The following NBEAL1 variants were observed in gnomAD, a reference collection of about 807,000 sequenced individuals.
NBEAL1 encodes neurobeachin-like protein 1.
NBEAL1 carries 273 observed loss-of-function variants against 351.3 expected under a neutral mutation model. The observed-to-expected ratio is 0.78, with a 90% CI of 0.70 to 0.86. The LOEUF is 0.86. Ranked by LOEUF, NBEAL1 falls within the 40% of genes least tolerant of loss-of-function variation. NBEAL1 has a pLI of 0.00. For synonymous variants in NBEAL1, 1,050 were observed against 1,086.4 expected (o/e 0.97, Z 0.66); for missense variants, 2,961 against 3,201.3 (o/e 0.92, Z 1.81).
At chr2:203,179,966 G>C (rs1314972727) in intron 42 of NBEAL1, among the ~76,000 whole-genome samples, 1 of 151,990 alleles carries the variant, frequency 6.6e-6, no homozygotes, top group Non-Finnish European at 1.5e-5. Context: ...TAGCAACGAG[G>C]TTTCACCATG....
intron 12 of NBEAL1, among the ~76,000 whole-genome samples, chr2:203,100,739 G>A (rs2062299542): frequency 1.3e-5 from 2 of 151,740 alleles, no homozygotes; most frequent in African/African-American, 2.4e-5. Context: ...GTAGAGATGG[G>A]GTTTCACCAC....
At chr2:203,154,275 A>G (rs562304761) in intron 35 of NBEAL1, among the ~76,000 whole-genome samples, 94 of 152,130 alleles carry the variant, frequency 6.2e-4, no homozygotes, top group African/African-American at 2.2e-3. Context: ...TAATAGTGAC[A>G]ATAAAACTGT....
In NBEAL1 at chr2:203,167,339, C is replaced by T; in HGVS notation, c.5976C>T (p.Tyr1992=). The T allele has an allele frequency of 1.9e-6, 3 of 1,609,566 alleles. No homozygotes were observed. Among genetic ancestry groups the T allele is most frequent in the Non-Finnish European group, 2.5e-6 (3 of 1,178,204 alleles). ...TTTTTCATGTTGACCAATCCAACTA[C>T]TTTCTCAATTTCAAAAAAGAGGTAT... ...LEIFHVDQSN[Y]FLNFKKEVRN... is the part of the protein sequence containing the mutation. Residue 1992 remains tyrosine, a synonymous_variant, in exon 38 of 56, where the codon TAC becomes TAT. Coordinates refer to ENST00000683969, the MANE Select transcript of NBEAL1 (RefSeq NM_001378026.1).
At chr2:203,176,238 A>G (rs749807257) in intron 42 of NBEAL1, among the ~76,000 whole-genome samples, 45 of 148,914 alleles carry the variant, frequency 3.0e-4, no homozygotes, top group Non-Finnish European at 5.5e-4. Context: ...CAGTGGTGCA[A>G]TCTCAGCTCA....
In NBEAL1 at chr2:203,219,230, A is replaced by G. The variant is rs1158476015; in HGVS notation, c.*1876A>G. On this transcript the variant is annotated 3_prime_UTR_variant, in exon 56 of 56. Coordinates refer to ENST00000683969, the MANE Select transcript of NBEAL1 (RefSeq NM_001378026.1). The stretch of plus-strand genomic sequence containing the variant: ...GTTTTTAAAATACTGATTTTTTTAG[A>G]AACTTTTTCTAAATCAAAACCTACT... 1 of 152,044 alleles carries G rather than the reference A, an allele frequency of 6.6e-6. No homozygotes were observed. Among genetic ancestry groups the G allele is most frequent in the Non-Finnish European group, 1.5e-5 (1 of 68,000 alleles). The allele number at this position is 152,044 out of a possible 1,614,324, so 9.4% of individuals were successfully genotyped here. A position where few individuals can be genotyped will look rare whatever the true frequency, so the allele number is the denominator to read the frequency against.
chr2:203,041,464 G>A (rs1320353428), intron 2 of NBEAL1, among the ~76,000 whole-genome samples: 1 of 152,180 alleles, frequency 6.6e-6, no homozygotes, highest in African/African-American at 2.4e-5. Context: ...CATGTCCCAG[G>A]AAACAGCCAG....
intron 31 of NBEAL1, 30 bp from the exon 32 acceptor site, chr2:203,144,570 C>G: frequency 6.4e-7 from 1 of 1,572,740 alleles, no homozygotes; most frequent in South Asian, 1.2e-5. Context: ...CTTTAGTCTG[C>G]TCTTTCTCAT....
chr2:203,057,551 A>G, intron 6 of NBEAL1, 98 bp downstream of exon 6: 6 of 973,638 alleles, frequency 6.2e-6, no homozygotes, highest in Non-Finnish European at 8.9e-6. Context: ...ATTGGAAAGA[A>G]GTATATAAGA....
At position 203,110,767 on chromosome 2, in the gene NBEAL1, CT is replaced by C. The variant is rs71034215; in HGVS notation, c.2082+502del. On this transcript the variant is annotated intron_variant, in intron 15 of 55. Transcript: ENST00000683969. ...TTTCTATAAGTAAATTTTCTTTTTT[CT>C]TTTTTTTTTTTTTTTTGAGATAGAG... Among the ~76,000 whole-genome samples the C allele has an allele frequency of 8.8e-4, 94 of 106,702 alleles. 1 individual carries two copies. The highest frequency in any genetic ancestry group is 3.2e-3 in the African/African-American group (88 of 27,296). 70.0% of individuals were successfully genotyped at this position (106,702 alleles called of 152,430 possible).
rs2063511996 is a variant in NBEAL1 at position 203,146,282 on chromosome 2, A to C, written c.5304+1122A>C. Among the ~76,000 whole-genome samples the C allele has an allele frequency of 2.0e-5, 3 of 152,202 alleles. 1 individual carries two copies. The South Asian group carries it at 6.2e-4, about 31-fold the overall frequency. ...TTCGTAAAGGGAAAACTTCAGGCCC[A>C]GATGGTTTCACTGGCAAATTCTACC... is the stretch of plus-strand genomic sequence containing the variant. On this transcript the variant is annotated intron_variant, in intron 33 of 55. Coordinates refer to ENST00000683969, the MANE Select transcript of NBEAL1 (RefSeq NM_001378026.1).
chr2:203,047,152 G>A (rs1037108609), intron 3 of NBEAL1, among the ~76,000 whole-genome samples: 2 of 151,902 alleles, frequency 1.3e-5, no homozygotes, highest in African/African-American at 4.8e-5. Context: ...CAGCAGAATC[G>A]CTTGAATGCG....
At chr2:203,126,144 T>G (rs2062932051) in intron 21 of NBEAL1, 51 bp downstream of exon 21, 1 of 1,468,912 alleles carries the variant, frequency 6.8e-7, no homozygotes, top group Non-Finnish European at 9.0e-7. Context: ...TGATTTGCAG[T>G]TGATGTTGGG....
intron 40 of NBEAL1, among the ~76,000 whole-genome samples, 168 bp from the exon 41 acceptor site, chr2:203,172,561 A>C (rs2064355665): frequency 6.6e-6 from 1 of 152,176 alleles, no homozygotes; most frequent in African/African-American, 2.4e-5. Context: ...AATTATAGGA[A>C]ATAATGCTTC....
At position 203,107,966 on chromosome 2, in the gene NBEAL1, T is replaced by A; in HGVS notation, c.1727T>A (p.Val576Asp). The A allele has an allele frequency of 6.4e-7, 1 of 1,554,532 alleles. No homozygotes were observed. The highest frequency in any genetic ancestry group is 8.7e-7 in the Non-Finnish European group (1 of 1,147,832). The change falls in exon 14 of 56, where the codon GTC becomes GAC. Residue 576 changes from valine to aspartate, a missense_variant. Val to Asp is a radical substitution (Grantham distance 152). Coordinates refer to ENST00000683969, the MANE Select transcript of NBEAL1 (RefSeq NM_001378026.1). ...GAATCTGAGTCTGTTCACCCTTATG[T>A]CACTCCCGTGACTCGAGCAATCCTG... ...VDESESVHPYVTPVTRAILTM... is the reference protein window; with the variant it reads ...VDESESVHPYDTPVTRAILTM...
At chr2:203,175,827 A>G (rs2064482533) in intron 42 of NBEAL1, among the ~76,000 whole-genome samples, 1 of 152,128 alleles carries the variant, frequency 6.6e-6, no homozygotes, top group Admixed American at 6.5e-5. Flanking sequence ...CTCCCTATTT[A>G]TACATTTTTG....
At position 203,144,852 on chromosome 2, in the gene NBEAL1, G is replaced by C. The variant is rs979951553; in HGVS notation, c.5101G>C (p.Asp1701His). The change falls in exon 32 of 56, where the codon GAT becomes CAT. Residue 1701 changes from aspartate (D) to histidine (H), a missense_variant. Physicochemically the swap from Asp to His is moderately conservative, Grantham distance 81. Transcript: ENST00000683969. ...FTNGSSSFFE[D>H]FQEYCNSNEW... ...CAATGGTAGCTCCTCATTTTTTGAA[G>C]ATTTTCAAGAATATTGTAATTCAAA... The C allele has an allele frequency of 6.2e-7, 1 of 1,610,092 alleles. No individual in the cohort carries two copies. The highest frequency in any genetic ancestry group is 2.2e-5 in the East Asian group (1 of 44,834).
chr2:203,068,541 C>T (rs900718666), intron 7 of NBEAL1, 66 bp downstream of exon 7: 1 of 847,476 alleles, frequency 1.2e-6, no homozygotes. Context: ...TTTATTCTTA[C>T]TCTGATTCTG....
Position 203,149,132 on chromosome 2 carries a change from G to A in NBEAL1, c.5446G>A (p.Gly1816Arg). Residue 1816 changes from glycine (G) to arginine (R), a missense_variant, in exon 34 of 56, where the codon GGA becomes AGA. Transcript: ENST00000683969. ...AIQLYLTCERGPWAKRKQNPI... is the reference protein window; with the variant it reads ...AIQLYLTCERRPWAKRKQNPI... ...ACAGCTCTATCTTACATGTGAAAGG[G>A]GACCTTGGGCTAAAAGGTAAGAGGA... The A allele has an allele frequency of 1.3e-6, 2 of 1,598,266 alleles. No homozygotes were observed. The highest frequency in any genetic ancestry group is 8.5e-7 in the Non-Finnish European group (1 of 1,171,286).
chr2:203,184,003 A>G (rs1462903351), intron 44 of NBEAL1, among the ~76,000 whole-genome samples: 1 of 149,984 alleles, frequency 6.7e-6, no homozygotes, highest in Non-Finnish European at 1.5e-5. Flanking sequence ...GCTTGAACCC[A>G]GGAGGCTGAG....
Sources: allele counts gnomAD v4.1 joint callset (sites outside exome capture counted in the v4.1 genomes callset), GRCh38; gene constraint gnomAD v4.1.1; transcripts MANE v1.5; gene names NCBI Gene and HGNC (gene_info 2026-07-23, HGNC 2026-07-21).